TANGO6: variants seen among roughly 807,000 people sequenced by gnomAD.
TANGO6 encodes the protein transport and Golgi organization protein 6 homolog.
In TANGO6, 90 loss-of-function variants were observed where a neutral mutation model predicts 114.2. The observed-to-expected ratio is 0.79, with a 90% confidence interval of 0.66 to 0.94. TANGO6 has a LOEUF of 0.94. TANGO6 is among the 40% of genes least tolerant of loss of function. TANGO6 has a pLI of 0.00. For missense variants in TANGO6, 1,274 were observed against 1,315.3 expected (o/e 0.97, Z 0.49); for synonymous variants, 477 against 509.8 (o/e 0.94, Z 0.87).
At chr16:68,882,487 A>G (rs1962477969) in intron 7 of TANGO6, among the ~76,000 whole-genome samples, 1 of 150,880 alleles carries the variant, frequency 6.6e-6, no homozygotes, top group Non-Finnish European at 1.5e-5. Context: ...ACAGAGCGAG[A>G]CTCCGTCTCA....
chr16:68,908,882 G>A (rs546504679), intron 10 of TANGO6, among the ~76,000 whole-genome samples: 3 of 152,106 alleles, frequency 2.0e-5, no homozygotes, highest in African/African-American at 7.2e-5. Flanking sequence ...TGAGATTTTA[G>A]ATTTTTATAT....
intron 14 of TANGO6, among the ~76,000 whole-genome samples, chr16:68,945,995 T>A (rs925243060): frequency 6.6e-6 from 1 of 152,018 alleles, no homozygotes; most frequent in Non-Finnish European, 1.5e-5. Context: ...TCTTTGCCCA[T>A]TTTTAATTTT....
chr16:68,847,450 C>T (rs994190430), intron 1 of TANGO6, among the ~76,000 whole-genome samples: 1 of 152,130 alleles, frequency 6.6e-6, no homozygotes, highest in African/African-American at 2.4e-5. Context: ...CAGTAGAGGG[C>T]AGAGAAGACT....
intron 17 of TANGO6, among the ~76,000 whole-genome samples, chr16:69,064,015 T>TG (rs1960177633): frequency 6.6e-6 from 1 of 152,028 alleles, no homozygotes; most frequent in Admixed American, 6.6e-5. Context: ...TTTTGTGTTT[T>TG]TAGCAGAGAC....
intron 1 of TANGO6, among the ~76,000 whole-genome samples, chr16:68,857,647 G>C (rs967688369): frequency 5.3e-5 from 8 of 152,160 alleles, no homozygotes; most frequent in Admixed American, 3.3e-4. Flanking sequence ...CAATGAATGA[G>C]AGTTCCTGTT....
chr16:68,967,285 G>A (rs1167522923), intron 14 of TANGO6, among the ~76,000 whole-genome samples: 1 of 152,078 alleles, frequency 6.6e-6, no homozygotes, highest in Non-Finnish European at 1.5e-5. Context: ...TTCTCATAAG[G>A]AGCACACAAC....
At chr16:69,067,538 C>T (rs796343149) in intron 17 of TANGO6, among the ~76,000 whole-genome samples, 3 of 93,352 alleles carry the variant, frequency 3.2e-5, no homozygotes, top group South Asian at 7.0e-4. Context: ...AAAAAAAAAA[C>T]GCTGGGCGCC....
chr16:69,082,404 G>A (rs1375461475), intron 17 of TANGO6, among the ~76,000 whole-genome samples: 1 of 152,044 alleles, frequency 6.6e-6, no homozygotes, highest in African/African-American at 2.4e-5. Context: ...GCACCGGCCT[G>A]GTGACAGATT....
chr16:68,962,717 C>T lies in TANGO6; in HGVS notation c.2702-11311C>T, dbSNP rs181664950. 5.4e-3 allele frequency among the ~76,000 whole-genome samples: 814 copies of T among 151,634 alleles called. 7 individuals carry two copies. The highest frequency in any genetic ancestry group is 9.6e-3 in the Non-Finnish European group (654 of 67,920). ...CAGAGGTTGTGGTGAGTCAAGATTG[C>T]GCCATTGCACACCAGCCTGGGCAAC... is the stretch of plus-strand genomic sequence containing the variant. On this transcript the variant is annotated intron_variant, in intron 14 of 17. Transcript: ENST00000261778.
intron 15 of TANGO6, among the ~76,000 whole-genome samples, chr16:68,997,962 G>C (rs867429676): frequency 1.3e-5 from 2 of 152,318 alleles, no homozygotes; most frequent in East Asian, 1.9e-4. Context: ...ATGAGAAAGT[G>C]TTGGTATGGT....
At chr16:69,005,613 C>T (rs558823191) in intron 15 of TANGO6, among the ~76,000 whole-genome samples, 8 of 152,116 alleles carry the variant, frequency 5.3e-5, no homozygotes, top group South Asian at 4.1e-4. Context: ...GCCTGGCCAA[C>T]GTGGTGAAAC....
chr16:68,867,654 AC>A (rs1295483284), intron 4 of TANGO6: 1 of 156,006 alleles, frequency 6.4e-6, no homozygotes, highest in Non-Finnish European at 1.4e-5. Flanking sequence ...AGCCTGGCCA[AC>A]ATGGTGAATC....
At chr16:69,070,044 TAAAA>T (rs775552668) in intron 17 of TANGO6, among the ~76,000 whole-genome samples, 1 of 75,374 alleles carries the variant, frequency 1.3e-5, no homozygotes, top group Non-Finnish European at 2.6e-5. Context: ...CTGTCTGTAC[TAAAA>T]AAAAAAAAAA....
chr16:68,874,153 C>T (rs947404955), intron 4 of TANGO6, among the ~76,000 whole-genome samples: 1 of 152,180 alleles, frequency 6.6e-6, no homozygotes, highest in African/African-American at 2.4e-5. Context: ...TGAGAGAGGA[C>T]CCTTTTGCAG....
chr16:69,039,886 T>G (rs1959747550), intron 16 of TANGO6, among the ~76,000 whole-genome samples: 1 of 152,226 alleles, frequency 6.6e-6, no homozygotes, highest in Non-Finnish European at 1.5e-5. Flanking sequence ...CTCTGAAGTC[T>G]CCTTAGCTAA....
chr16:69,056,164 A>G (rs1346142579), intron 17 of TANGO6, among the ~76,000 whole-genome samples: 1 of 152,126 alleles, frequency 6.6e-6, no homozygotes, highest in Non-Finnish European at 1.5e-5. Flanking sequence ...CAGTGTAGAA[A>G]CTCTAACATT....
At chr16:68,926,411 G>A (rs1010438551) in intron 12 of TANGO6, among the ~76,000 whole-genome samples, 1 of 151,670 alleles carries the variant, frequency 6.6e-6, no homozygotes, top group Non-Finnish European at 1.5e-5. Context: ...GGAGAATGGC[G>A]TGAACCCGGG....
At chr16:68,938,803 A>T (rs907597246) in intron 14 of TANGO6, among the ~76,000 whole-genome samples, 1 of 152,090 alleles carries the variant, frequency 6.6e-6, no homozygotes, top group Non-Finnish European at 1.5e-5. Context: ...TCTAGAGTCA[A>T]TTATCAAGTT....
intron 1 of TANGO6, chr16:68,846,975 C>T (rs1425942630): frequency 6.6e-6 from 1 of 151,650 alleles, no homozygotes; most frequent in Non-Finnish European, 1.5e-5. Context: ...ATTGCCACCT[C>T]CGCCTCCCGG....
Sources: gnomAD v4.1 joint callset for allele counts (sites outside exome capture counted in the v4.1 genomes callset) on GRCh38, gnomAD v4.1.1 for gene constraint, MANE v1.5 for transcripts, NCBI Gene and HGNC (gene_info 2026-07-23, HGNC 2026-07-21) for gene names.